PMM2: variants seen among roughly 807,000 people sequenced by gnomAD.
PMM2 encodes mannose-6-phosphate isomerase.
Under a neutral mutation model 33.2 loss-of-function variants are expected in PMM2, and 35 were observed. The observed-to-expected ratio is 1.06, with a 90% confidence interval of 0.81 to 1.40. The LOEUF is 1.40. Among genes scored for constraint, PMM2 ranks in the 40% most tolerant of loss-of-function variants. The pLI is 0.00. For synonymous variants in PMM2, 153 were observed against 114.7 expected, an observed-to-expected ratio of 1.33 and a Z score of -2.13; for missense variants, 386 against 306.0, an observed-to-expected ratio of 1.26 and a Z score of -1.95.
In PMM2 at chr16:8,840,789, G is replaced by A. The variant is rs538753506; in HGVS notation, c.640-6935G>A. ...TACTATAGATGACTAAGTAGGGTCC[G>A]GTCCATCGAGGTTGTAGAGTTTGAG... On this transcript the variant is annotated intron_variant, in intron 7 of 7. Coordinates refer to ENST00000268261, the MANE Select transcript of PMM2 (RefSeq NM_000303.3). 1.4e-4 allele frequency among the ~76,000 whole-genome samples: 22 copies of A among 151,998 alleles called. No individual in the cohort carries two copies. The South Asian group carries it at 4.4e-3, about 30-fold the overall frequency.
At chr16:8,822,497 C>T (rs886366639) in intron 7 of PMM2, among the ~76,000 whole-genome samples, 4 of 152,238 alleles carry the variant, frequency 2.6e-5, no homozygotes, top group African/African-American at 9.6e-5. Context: ...AAACTGAATT[C>T]CTCCCAAGGT....
chr16:8,800,884 A>G (rs1252289640), intron 1 of PMM2, among the ~76,000 whole-genome samples: 1 of 152,200 alleles, frequency 6.6e-6, no homozygotes, highest in Non-Finnish European at 1.5e-5. Flanking sequence ...GGGTTTCGCC[A>G]CGTTGGCCAG....
intron 1 of PMM2, among the ~76,000 whole-genome samples, chr16:8,800,360 CA>C (rs5815496): frequency 0.83 from 106,894 of 128,414 alleles, 44,006 homozygotes; most frequent in East Asian, 0.96. Flanking sequence ...GACTTCGTGT[CA>C]AAAAAAAAAA....
intron 7 of PMM2, chr16:8,832,238 C>G: frequency 1.0e-6 from 1 of 985,370 alleles, no homozygotes; most frequent in Non-Finnish European, 1.2e-6. Context: ...GAAAGGAAGG[C>G]CTGAGGCAGG....
intron 4 of PMM2, 122 bp downstream of exon 4, chr16:8,806,529 C>G (rs778043683): frequency 2.7e-6 from 2 of 745,486 alleles, no homozygotes; most frequent in Non-Finnish European, 2.4e-6. Flanking sequence ...AAAACAAAGT[C>G]TGATATTTAG....
intron 3 of PMM2, among the ~76,000 whole-genome samples, chr16:8,805,874 G>A (rs555553540): frequency 6.6e-6 from 1 of 152,282 alleles, no homozygotes; most frequent in South Asian, 2.1e-4. Context: ...ACAGGTGTGA[G>A]CTGCCACGCC....
chr16:8,827,687 C>T (rs1464367624), intron 7 of PMM2, among the ~76,000 whole-genome samples: 5 of 137,054 alleles, frequency 3.6e-5, no homozygotes, highest in African/African-American at 1.4e-4. Context: ...TGAGCCACTG[C>T]ACCCAGCCCA....
intron 7 of PMM2, among the ~76,000 whole-genome samples, chr16:8,818,524 C>G (rs1018678665): frequency 3.9e-5 from 6 of 152,092 alleles, no homozygotes; most frequent in Non-Finnish European, 5.9e-5. Flanking sequence ...TTTTCCTTTC[C>G]TAATGAAGTT....
At chr16:8,810,750 T>C (rs2060672721) in intron 4 of PMM2, 1 of 370,194 alleles carries the variant, frequency 2.7e-6, no homozygotes, top group Non-Finnish European at 5.2e-6. Flanking sequence ...CTATTTTTTG[T>C]ATTTTTTGTA....
chr16:8,806,809 C>T (rs927154208), intron 4 of PMM2: 1 of 234,516 alleles, frequency 4.3e-6, no homozygotes, highest in African/African-American at 2.3e-5. Context: ...CAAAGGCTGT[C>T]AGTGAGAGGA....
intron 7 of PMM2, among the ~76,000 whole-genome samples, chr16:8,837,995 C>A (rs1234282111): frequency 6.6e-6 from 1 of 152,108 alleles, no homozygotes; most frequent in African/African-American, 2.4e-5. Context: ...TGTGAAGAGA[C>A]CACCAAACAG....
chr16:8,847,461 C>T (rs1240439914), intron 7 of PMM2, among the ~76,000 whole-genome samples: 1 of 151,544 alleles, frequency 6.6e-6, no homozygotes, highest in African/African-American at 2.4e-5. Context: ...TTAGACAGAT[C>T]TTCGCAAGAA....
At position 8,803,337 on chromosome 16, in the gene PMM2, G is replaced by A. The variant is rs2060626655; in HGVS notation, c.178+1427G>A. Among the ~76,000 whole-genome samples the A allele has an allele frequency of 2.0e-5, 3 of 152,292 alleles. No individual in the cohort carries two copies. In the South Asian group the frequency reaches 6.2e-4, roughly 32 times the overall value. Reference sequence around the variant, plus strand: ...CGCATACTGGGGATCACGAAGCCCTGAAAATCCTGTTACCTGCTCATGATC... The same window carrying A: ...CGCATACTGGGGATCACGAAGCCCTAAAAATCCTGTTACCTGCTCATGATC... On this transcript the variant is annotated intron_variant, in intron 2 of 7. Transcript: ENST00000268261.
intron 7 of PMM2, among the ~76,000 whole-genome samples, chr16:8,846,365 T>G (rs1299030378): frequency 6.6e-6 from 1 of 152,206 alleles, no homozygotes; most frequent in African/African-American, 2.4e-5. Context: ...TCTACGGTTG[T>G]GTTCATTGTA....
At chr16:8,804,104 T>C (rs2141018626) in intron 2 of PMM2, among the ~76,000 whole-genome samples, 1 of 138,996 alleles carries the variant, frequency 7.2e-6, no homozygotes, top group Admixed American at 7.8e-5. Context: ...AGTGGCACAA[T>C]CTTGGCTCAC....
intron 7 of PMM2, among the ~76,000 whole-genome samples, chr16:8,840,061 CTG>C (rs1286719976): frequency 6.6e-6 from 1 of 151,598 alleles, no homozygotes; most frequent in Non-Finnish European, 1.5e-5. Context: ...CCCAGTCTGT[CTG>C]TAAGGTGGGG....
At position 8,828,595 on chromosome 16, in the gene PMM2, A is replaced by G. The variant is rs147810165; in HGVS notation, c.639+15489A>G. Among the ~76,000 whole-genome samples the G allele has an allele frequency of 5.3e-5, 8 of 152,246 alleles. No individual in the cohort carries two copies. The East Asian group carries it at 1.5e-3, about 29-fold the overall frequency. On this transcript the variant is annotated intron_variant, in intron 7 of 7. Transcript: ENST00000268261. ...TGCCCTCTGGATGCCGGAGACCAAA[A>G]GAGGGTACCCTGACATGGTCCCAAA...
At chr16:8,846,203 A>G (rs540172645) in intron 7 of PMM2, among the ~76,000 whole-genome samples, 3 of 152,184 alleles carry the variant, frequency 2.0e-5, no homozygotes, top group Non-Finnish European at 4.4e-5. Flanking sequence ...CCACCTGAGG[A>G]GGCCATCTGC....
intron 3 of PMM2, among the ~76,000 whole-genome samples, chr16:8,805,723 G>A (rs2060644263): frequency 6.6e-6 from 1 of 152,100 alleles, no homozygotes; most frequent in East Asian, 1.9e-4. Context: ...CTCCCTAGGT[G>A]GGATTACAGG....
Sources: allele counts gnomAD v4.1 joint callset (sites outside exome capture counted in the v4.1 genomes callset), GRCh38; gene constraint gnomAD v4.1.1; transcripts MANE v1.5; gene names NCBI Gene and HGNC (gene_info 2026-07-23, HGNC 2026-07-21).